HAVCR2: variants seen among roughly 807,000 people sequenced by gnomAD.
The protein encoded by HAVCR2 is hepatitis A virus cellular receptor 2, also known as T cell immunoglobulin mucin 3.
Under a neutral mutation model 24.7 loss-of-function variants are expected in HAVCR2, and 13 were observed. That is an observed-to-expected ratio of 0.53 (90% confidence interval 0.34 to 0.84). The LOEUF is 0.84. Ranked by LOEUF, HAVCR2 falls within the 40% of genes least tolerant of loss-of-function variation. The pLI is 0.01. For missense variants in HAVCR2, 343 were observed against 371.2 expected (o/e 0.92, Z 0.62); for synonymous variants, 154 against 143.4 (o/e 1.07, Z -0.53).
chr5:157,095,321 C>A lies in HAVCR2; in HGVS notation c.661G>T (p.Ala221Ser), dbSNP rs762519713. The part of the protein sequence containing the change: ...AGLALALIFG[A>S]LIFKWYSHSK... ...AAACACTTACATTTGAAAATTAAAG[C>A]GCCGAAGATAAGAGCCAGAGCCAGC... The change falls in exon 5 of 7, where the codon GCT becomes TCT. Residue 221 changes from alanine (A) to serine (S), a missense_variant. By Grantham distance (99) the Ala-to-Ser change is moderately conservative. Coordinates refer to ENST00000307851, the MANE Select transcript of HAVCR2 (RefSeq NM_032782.5). 2.5e-6 allele frequency: 4 copies of A among 1,613,214 alleles called. No homozygotes were observed. Among genetic ancestry groups the A allele is most frequent in the Non-Finnish European group, 1.7e-6 (2 of 1,179,828 alleles).
At chr5:157,103,536 A>G (rs1373918300) in intron 3 of HAVCR2, among the ~76,000 whole-genome samples, 7 of 152,216 alleles carry the variant, frequency 4.6e-5, no homozygotes. Context: ...CACCATATTT[A>G]GTTTCCTCTC....
rs527586213 is a variant in HAVCR2 at position 157,090,871 on chromosome 5, T to C, written c.677-1894A>G. On this transcript the variant is annotated intron_variant, in intron 5 of 6. Coordinates refer to ENST00000307851, the MANE Select transcript of HAVCR2 (RefSeq NM_032782.5). The stretch of plus-strand genomic sequence containing the variant: ...TGTTGTTTTTCTCTGAGACAGGGTC[T>C]CCCTGTGCTGTGTCACCCAGGCTAG... 1.9e-3 allele frequency among the ~76,000 whole-genome samples: 289 copies of C among 152,216 alleles called. 1 individual carries two copies. The highest frequency in any genetic ancestry group is 0.017 in the Middle Eastern group (5 of 292).
At chr5:157,089,472 G>A (rs1434361414) in intron 5 of HAVCR2, among the ~76,000 whole-genome samples, 1 of 151,444 alleles carries the variant, frequency 6.6e-6, no homozygotes, top group African/African-American at 2.4e-5. Flanking sequence ...GGAGACGGAG[G>A]TTGCGGTGAG....
intron 4 of HAVCR2, among the ~76,000 whole-genome samples, chr5:157,095,920 C>T (rs1325193143): frequency 1.3e-5 from 2 of 152,134 alleles, no homozygotes; most frequent in African/African-American, 2.4e-5. Flanking sequence ...GCCAGACGGT[C>T]GTGGATTCAA....
At chr5:157,095,053 G>T (rs1757073972) in intron 5 of HAVCR2, among the ~76,000 whole-genome samples, 1 of 152,170 alleles carries the variant, frequency 6.6e-6, no homozygotes, top group South Asian at 2.1e-4. Flanking sequence ...GTAAAATGGG[G>T]ATGGTACTAT....
At chr5:157,094,011 C>T (rs1351525371) in intron 5 of HAVCR2, among the ~76,000 whole-genome samples, 1 of 151,636 alleles carries the variant, frequency 6.6e-6, no homozygotes, top group Non-Finnish European at 1.5e-5. Context: ...CTGTAATTCT[C>T]CATCAAAATT....
At chr5:157,090,027 C>T (rs1324400278) in intron 5 of HAVCR2, among the ~76,000 whole-genome samples, 1 of 151,168 alleles carries the variant, frequency 6.6e-6, no homozygotes, top group African/African-American at 2.4e-5. Flanking sequence ...CCAGGTGTGG[C>T]TTACTGGGTA....
intron 6 of HAVCR2, among the ~76,000 whole-genome samples, chr5:157,087,699 T>A (rs1756933962): frequency 6.6e-6 from 1 of 151,350 alleles, no homozygotes; most frequent in Non-Finnish European, 1.5e-5. Context: ...AGGTCAGGAG[T>A]TCGAGACCAG....
At position 157,095,376 on chromosome 5, in the gene HAVCR2, G is replaced by A; in HGVS notation, c.606C>T (p.Gly202=). 1 of 1,614,132 alleles carries A rather than the reference G, an allele frequency of 6.2e-7. No homozygotes were observed. ...LRDSGATIRI[G]IYIGAGICAG... is the part of the protein sequence containing the mutation. ...CACAGATCCCTGCTCCGATGTAGAT[G>A]CCTATTCTGATGGTTGCTCCAGAGT... Residue 202 remains glycine (G), a synonymous_variant, in exon 5 of 7, where the codon GGC becomes GGT. Transcript: ENST00000307851.
chr5:157,091,314 A>G (rs112309174), intron 5 of HAVCR2, among the ~76,000 whole-genome samples: 5,656 of 152,090 alleles, frequency 0.037, 317 homozygotes, highest in African/African-American at 0.12. Context: ...GCATGGCGGC[A>G]CATGCATGAA....
intron 3 of HAVCR2, among the ~76,000 whole-genome samples, chr5:157,103,066 TGTA>T (rs1235058422): frequency 9.9e-5 from 15 of 151,364 alleles, no homozygotes; most frequent in African/African-American, 2.7e-4. Context: ...TCAGTGGTGA[TGTA>T]GTAAAAAGTA....
chr5:157,092,483 G>C (rs1226954387), intron 5 of HAVCR2, among the ~76,000 whole-genome samples: 1 of 151,612 alleles, frequency 6.6e-6, no homozygotes, highest in African/African-American at 2.4e-5. Flanking sequence ...TTTCACTCTT[G>C]TTGCCCAGGC....
At chr5:157,105,774 G>A (rs1757238585) in intron 2 of HAVCR2, among the ~76,000 whole-genome samples, 1 of 152,218 alleles carries the variant, frequency 6.6e-6, no homozygotes, top group Non-Finnish European at 1.5e-5. Flanking sequence ...CATGCTGGCT[G>A]CACCTGGGGT....
intron 5 of HAVCR2, among the ~76,000 whole-genome samples, chr5:157,091,461 A>C (rs926710736): frequency 6.6e-6 from 1 of 151,880 alleles, no homozygotes; most frequent in Non-Finnish European, 1.5e-5. Context: ...AAAAAAAAAA[A>C]GATAAAGGTA....
intron 4 of HAVCR2, among the ~76,000 whole-genome samples, chr5:157,098,152 A>G (rs958213921): frequency 3.9e-5 from 6 of 152,110 alleles, no homozygotes; most frequent in African/African-American, 1.4e-4. Flanking sequence ...CACGCCTGCA[A>G]TCTCAGCACT....
intron 1 of HAVCR2, 36 bp from the exon 2 acceptor site, chr5:157,106,998 G>T: frequency 6.5e-7 from 1 of 1,531,724 alleles, no homozygotes. Flanking sequence ...AGACTCAAGC[G>T]GTGAGTGAGG....
At chr5:157,092,776 G>A (rs908170418) in intron 5 of HAVCR2, among the ~76,000 whole-genome samples, 26 of 147,238 alleles carry the variant, frequency 1.8e-4, no homozygotes, top group Admixed American at 1.5e-3. Context: ...TATTCATCAC[G>A]CCTGTAATCC....
chr5:157,088,877 G>C (rs1756952447), intron 6 of HAVCR2, 64 bp downstream of exon 6: 1 of 1,353,856 alleles, frequency 7.4e-7, no homozygotes, highest in Non-Finnish European at 1.1e-6. Context: ...GAAAAGATCA[G>C]ACATGTTAGA....
rs1756920654 is a variant in HAVCR2, at chr5:157,086,856, G to T, written c.*246C>A. The T allele has an allele frequency of 2.2e-6, 1 of 450,552 alleles. No individual in the cohort carries two copies. Among genetic ancestry groups the T allele is most frequent in the Non-Finnish European group, 3.9e-6 (1 of 256,600 alleles). The allele number at this position is 450,552 out of a possible 1,614,324, so 27.9% of individuals were successfully genotyped here. A position where few individuals can be genotyped will look rare whatever the true frequency, so the allele number is the denominator to read the frequency against. On this transcript the variant is annotated 3_prime_UTR_variant, in exon 7 of 7. Coordinates refer to ENST00000307851, the MANE Select transcript of HAVCR2 (RefSeq NM_032782.5). Reference sequence around the variant, plus strand: ...CTAGTGTATATAAAAGCCCGTTTGAGCTCTAACATCCATGATTAACAGTCT... The same window carrying T: ...CTAGTGTATATAAAAGCCCGTTTGATCTCTAACATCCATGATTAACAGTCT...
Sources: gnomAD v4.1 joint callset for allele counts (sites outside exome capture counted in the v4.1 genomes callset) on GRCh38, gnomAD v4.1.1 for gene constraint, MANE v1.5 for transcripts, NCBI Gene and HGNC (gene_info 2026-07-23, HGNC 2026-07-21) for gene names.